The following SPEF2 variants were observed in gnomAD, a reference collection of about 807,000 sequenced individuals.
SPEF2 encodes sperm flagellar and cilia associated 2, also known as sperm flagella and cilia-associated protein 2.
SPEF2 carries 187 observed loss-of-function variants against 224.6 expected under a neutral mutation model. The observed-to-expected ratio is 0.83, with a 90% confidence interval of 0.74 to 0.94. SPEF2 has a LOEUF of 0.94. SPEF2 is among the 40% of genes least tolerant of loss of function. The pLI, the probability that SPEF2 is intolerant of heterozygous loss-of-function variation, is 0.00. For synonymous variants in SPEF2, 715 were observed against 707.3 expected (o/e 1.01, Z -0.17); for missense variants, 2,170 against 2,135.6 (o/e 1.02, Z -0.32).
chr5:35,772,957 T>C (rs1561341384), intron 27 of SPEF2, among the ~76,000 whole-genome samples: 2 of 152,214 alleles, frequency 1.3e-5, no homozygotes, highest in Non-Finnish European at 2.9e-5. Flanking sequence ...GCTATGTAAA[T>C]GGGCCCTGCA....
At chr5:35,775,330 C>T (rs942065645) in intron 28 of SPEF2, among the ~76,000 whole-genome samples, 14 of 152,152 alleles carry the variant, frequency 9.2e-5, no homozygotes, top group Middle Eastern at 3.4e-3. Flanking sequence ...GACTTACCAA[C>T]GGAACTAATT....
chr5:35,698,572 A>G (rs1258682461), intron 15 of SPEF2: 2 of 152,222 alleles, frequency 1.3e-5, no homozygotes, highest in Admixed American at 6.5e-5. Context: ...CTTTAGTTTC[A>G]GTGGAACTGA....
At chr5:35,739,881 T>C (rs1465137645) in intron 21 of SPEF2, 38 bp from the exon 22 acceptor site, 2 of 1,605,558 alleles carry the variant, frequency 1.2e-6, no homozygotes, top group Non-Finnish European at 1.7e-6. Flanking sequence ...AGAACTTTCA[T>C]TTTGAAGTAA....
chr5:35,687,679 C>A (rs1753842433), intron 10 of SPEF2, among the ~76,000 whole-genome samples: 2 of 152,096 alleles, frequency 1.3e-5, no homozygotes, highest in African/African-American at 4.8e-5. Flanking sequence ...AATCATTTGT[C>A]ATATCAACCT....
intron 2 of SPEF2, among the ~76,000 whole-genome samples, chr5:35,638,457 A>G (rs1416954197): frequency 6.6e-6 from 1 of 152,082 alleles, no homozygotes; most frequent in Non-Finnish European, 1.5e-5. Flanking sequence ...TGTTTTTGTT[A>G]TGCCTTGCAC....
chr5:35,709,346 A>G (rs1740644072), intron 19 of SPEF2: 5 of 1,351,102 alleles, frequency 3.7e-6, no homozygotes, highest in Non-Finnish European at 4.7e-6. Flanking sequence ...GAGTCATCAC[A>G]CCTAGGTCTA....
rs751634167 is a variant in SPEF2 at position 35,763,535 on chromosome 5, C to T, written c.3634C>T (p.Pro1212Ser). The T allele has an allele frequency of 1.3e-6, 2 of 1,576,654 alleles. No homozygotes were observed. Among genetic ancestry groups the T allele is most frequent in the Non-Finnish European group, 1.7e-6 (2 of 1,166,130 alleles). Residue 1212 changes from proline to serine, a missense_variant, in exon 26 of 37, where the codon CCT becomes TCT. Pro to Ser is a moderately conservative substitution (Grantham distance 74). Coordinates refer to ENST00000356031, the MANE Select transcript of SPEF2 (RefSeq NM_024867.4). ...TGTTTCTCAAAGAATTCCTCTAGTT[C>T]CTCGAATATCCATTTCTCTGGAAAC... ...SESQLRIPLV[P>S]RISISLETVT...
chr5:35,664,748 G>C (rs1291261760), intron 8 of SPEF2, among the ~76,000 whole-genome samples: 2 of 148,644 alleles, frequency 1.3e-5, no homozygotes, highest in Non-Finnish European at 3.0e-5. Flanking sequence ...GGGAGAGAGA[G>C]AGAGGAAGGA....
At chr5:35,631,541 AAAAAACTGTT>A (rs1745131008) in intron 2 of SPEF2, among the ~76,000 whole-genome samples, 1 of 152,228 alleles carries the variant, frequency 6.6e-6, no homozygotes, top group South Asian at 2.1e-4. Context: ...CAGGCACTTA[AAAAAACTGTT>A]TAGGTGTGCC....
At chr5:35,644,721 C>T (rs1169053056) in intron 4 of SPEF2, among the ~76,000 whole-genome samples, 196 bp downstream of exon 4, 1 of 151,918 alleles carries the variant, frequency 6.6e-6, no homozygotes, top group African/African-American at 2.4e-5. Context: ...TGCTGACTCT[C>T]ACCTCTACTT....
chr5:35,634,011 G>A (rs1440895757), intron 2 of SPEF2, among the ~76,000 whole-genome samples: 1 of 151,930 alleles, frequency 6.6e-6, no homozygotes, highest in Non-Finnish European at 1.5e-5. Context: ...ATTGCTATAT[G>A]CACTTAACTT....
chr5:35,715,751 C>T (rs1028063410), intron 20 of SPEF2, among the ~76,000 whole-genome samples: 5 of 150,240 alleles, frequency 3.3e-5, no homozygotes, highest in Non-Finnish European at 7.4e-5. Flanking sequence ...TTTTCCTGAC[C>T]CTAGTTTCAT....
At chr5:35,754,003 A>G (rs115964508) in intron 24 of SPEF2, among the ~76,000 whole-genome samples, 1 of 152,278 alleles carries the variant, frequency 6.6e-6, no homozygotes, top group South Asian at 2.1e-4. Flanking sequence ...CTTTGCTCCC[A>G]GGTGGCCTAG....
At chr5:35,748,424 C>T (rs543025281) in intron 23 of SPEF2, among the ~76,000 whole-genome samples, 8 of 151,882 alleles carry the variant, frequency 5.3e-5, no homozygotes, top group South Asian at 2.1e-4. Flanking sequence ...ATAGACCATT[C>T]GCAAGATTAA....
chr5:35,668,337 T>C (rs1347458690), intron 9 of SPEF2, among the ~76,000 whole-genome samples: 1 of 152,100 alleles, frequency 6.6e-6, no homozygotes, highest in African/African-American at 2.4e-5. Flanking sequence ...TAATAAACTA[T>C]TAATACATGC....
intron 26 of SPEF2, among the ~76,000 whole-genome samples, chr5:35,767,322 T>C (rs533598406): frequency 2.0e-5 from 3 of 152,088 alleles, no homozygotes; most frequent in Non-Finnish European, 4.4e-5. Context: ...ATTATACTTT[T>C]AGAAATTGTT....
At chr5:35,641,951 G>A (rs1463936789) in intron 3 of SPEF2, among the ~76,000 whole-genome samples, 5 of 152,050 alleles carry the variant, frequency 3.3e-5, no homozygotes, top group Non-Finnish European at 4.4e-5. Context: ...GTTTTAGAGA[G>A]ACAGGGCCTT....
rs770284746 is a variant in SPEF2 at position 35,751,038 on chromosome 5, C to T, written c.3331-2586C>T. ...GTATATATATACGTATATATATACA[C>T]ATATGTATATATATATACGTATATA... On this transcript the variant is annotated intron_variant, in intron 23 of 36. Coordinates refer to ENST00000356031, the MANE Select transcript of SPEF2 (RefSeq NM_024867.4). 1.2e-3 allele frequency among the ~76,000 whole-genome samples: 33 copies of T among 27,198 alleles called. 2 individuals carry two copies. Among genetic ancestry groups the T allele is most frequent in the South Asian group, 1.5e-3 (1 of 664 alleles). 17.8% of individuals were successfully genotyped at this position (27,198 alleles called of 152,430 possible). A position where few individuals can be genotyped will look rare whatever the true frequency, so the allele number is the denominator to read the frequency against.
At chr5:35,806,656 G>C in intron 34 of SPEF2, 51 bp from the exon 35 acceptor site, 1 of 1,571,734 alleles carries the variant, frequency 6.4e-7, no homozygotes, top group Non-Finnish European at 8.6e-7. Flanking sequence ...AGTCTCCATT[G>C]GTGGAAAAAA....
Sources: gnomAD v4.1 joint callset for allele counts (sites outside exome capture counted in the v4.1 genomes callset) on GRCh38, gnomAD v4.1.1 for gene constraint, MANE v1.5 for transcripts, NCBI Gene and HGNC (gene_info 2026-07-23, HGNC 2026-07-21) for gene names.